NCKAP5: variants seen among roughly 807,000 people sequenced by gnomAD.
NCKAP5 encodes the protein nck-associated protein 5.
NCKAP5 carries 92 observed loss-of-function variants against 167.0 expected under a neutral mutation model. That is an observed-to-expected ratio of 0.55 (90% CI 0.47 to 0.66). NCKAP5 has a LOEUF of 0.66. Ranked by LOEUF, NCKAP5 falls within the 30% of genes least tolerant of loss-of-function variation. The pLI, the probability that NCKAP5 is intolerant of heterozygous loss-of-function variation, is 0.00. For synonymous variants in NCKAP5, 891 were observed against 877.4 expected (o/e 1.02, Z -0.27); for missense variants, 2,378 against 2,315.0 (o/e 1.03, Z -0.56).
chr2:133,364,790 T>C (rs569032370), intron 3 of NCKAP5, among the ~76,000 whole-genome samples: 8 of 152,048 alleles, frequency 5.3e-5, no homozygotes, highest in South Asian at 2.1e-4. Context: ...GTCTCAATAC[T>C]GTCACCCAGG....
At chr2:133,399,329 G>A (rs1574881170) in intron 3 of NCKAP5, among the ~76,000 whole-genome samples, 1 of 151,858 alleles carries the variant, frequency 6.6e-6, no homozygotes, top group East Asian at 1.9e-4. Flanking sequence ...ATGGCAGGTA[G>A]AGTAGGTCCA....
chr2:133,467,947 C>G (rs1180869061), intron 3 of NCKAP5, among the ~76,000 whole-genome samples: 1 of 125,620 alleles, frequency 8.0e-6, no homozygotes, highest in Non-Finnish European at 1.6e-5. Context: ...TTTGTTGATC[C>G]TTTCAAAAAA....
intron 3 of NCKAP5, among the ~76,000 whole-genome samples, chr2:133,352,123 A>G (rs1033537746): frequency 1.3e-5 from 2 of 152,112 alleles, no homozygotes; most frequent in Non-Finnish European, 2.9e-5. Flanking sequence ...TATTCCCTCA[A>G]TGGAGACCCT....
intron 8 of NCKAP5, among the ~76,000 whole-genome samples, chr2:132,914,178 A>G (rs1694680016): frequency 6.6e-6 from 1 of 152,218 alleles, no homozygotes; most frequent in African/African-American, 2.4e-5. Flanking sequence ...GTAGCTGTCC[A>G]TTATGTTTCT....
At chr2:133,644,049 A>G in the NCKAP5 span, among the ~76,000 whole-genome samples, 563 of 152,256 alleles carry the variant, frequency 3.7e-3, 3 homozygotes, top group African/African-American at 0.013. Context: ...CTCTGTGAGT[A>G]CTGTGATGGT....
chr2:133,101,871 G>A (rs568499933), intron 6 of NCKAP5, among the ~76,000 whole-genome samples: 1 of 152,250 alleles, frequency 6.6e-6, no homozygotes, highest in African/African-American at 2.4e-5. Context: ...GTGCGCAATT[G>A]CAGAATGTGA....
intron 11 of NCKAP5, among the ~76,000 whole-genome samples, chr2:132,830,430 C>T (rs1239459215): frequency 6.6e-6 from 1 of 151,948 alleles, no homozygotes; most frequent in Non-Finnish European, 1.5e-5. Flanking sequence ...TGTTTCCCCC[C>T]TTGCAGTGCT....
intron 8 of NCKAP5, among the ~76,000 whole-genome samples, chr2:132,900,425 G>T (rs1428086941): frequency 6.6e-6 from 1 of 152,060 alleles, no homozygotes; most frequent in African/African-American, 2.4e-5. Context: ...TCTAGACATG[G>T]CTAAATGTCC....
intron 3 of NCKAP5, among the ~76,000 whole-genome samples, chr2:133,318,703 C>T (rs571853999): frequency 6.6e-6 from 1 of 152,234 alleles, no homozygotes; most frequent in African/African-American, 2.4e-5. Context: ...AAGTTGAAAG[C>T]CCTTGTGCCC....
the NCKAP5 span, among the ~76,000 whole-genome samples, chr2:133,590,890 G>A: frequency 6.0e-5 from 5 of 83,380 alleles, no homozygotes; most frequent in East Asian, 7.3e-3. Flanking sequence ...GTGAGAGTAT[G>A]CTGTCTGTGT....
At chr2:132,922,319 G>A (rs1243980513) in intron 8 of NCKAP5, among the ~76,000 whole-genome samples, 1 of 152,212 alleles carries the variant, frequency 6.6e-6, no homozygotes, top group Non-Finnish European at 1.5e-5. Context: ...GAGAGTAGGA[G>A]AGAAGAGTCA....
chr2:133,122,701 T>C (rs377123465), intron 6 of NCKAP5: 3 of 152,212 alleles, frequency 2.0e-5, no homozygotes, highest in South Asian at 2.1e-4. Flanking sequence ...GTAACCAAAA[T>C]AGACATGGCC....
rs886401952 is a variant in NCKAP5 at position 133,514,454 on chromosome 2, T to C, written c.69+3004A>G. 2.0e-5 allele frequency among the ~76,000 whole-genome samples: 3 copies of C among 152,184 alleles called. No individual in the cohort carries two copies. The South Asian group carries it at 6.2e-4, about 32-fold the overall frequency. ...TTTTTCAGTTTTTGGACTGTGAGTTTCTTTATTCTGTGATTCCTCCAGTCT... is the reference window on the plus strand; with the variant it reads ...TTTTTCAGTTTTTGGACTGTGAGTTCCTTTATTCTGTGATTCCTCCAGTCT... On this transcript the variant is annotated intron_variant, in intron 3 of 19. Coordinates refer to ENST00000409261, the MANE Select transcript of NCKAP5 (RefSeq NM_207363.3).
rs1437391874 is a variant in NCKAP5, at chr2:133,303,186, A to G, written c.70-76T>C. On this transcript the variant is annotated intron_variant, in intron 3 of 19. Coordinates refer to ENST00000409261, the MANE Select transcript of NCKAP5 (RefSeq NM_207363.3). ...ATCCTAAGACCCTGACCTTATCTCT[A>G]CAAGGAGTATTTTTGACAACATTAT... is the stretch of plus-strand genomic sequence containing the variant. 8.3e-5 allele frequency: 83 copies of G among 995,768 alleles called. No individual in the cohort carries two copies. In the Admixed American group the frequency reaches 1.6e-3, roughly 19 times the overall value. The allele number at this position is 995,768 out of a possible 1,614,324, so 61.7% of individuals were successfully genotyped here. A position where few individuals can be genotyped will look rare whatever the true frequency, so the allele number is the denominator to read the frequency against.
At chr2:132,925,894 A>G (rs1324863308) in intron 8 of NCKAP5, among the ~76,000 whole-genome samples, 4 of 152,212 alleles carry the variant, frequency 2.6e-5, no homozygotes, top group Non-Finnish European at 5.9e-5. Flanking sequence ...CTTTTCTAAA[A>G]AATTTTACGA....
At chr2:133,047,256 C>T (rs2079434673) in intron 6 of NCKAP5, among the ~76,000 whole-genome samples, 1 of 152,180 alleles carries the variant, frequency 6.6e-6, no homozygotes, top group Admixed American at 6.5e-5. Flanking sequence ...CTGTGTTAGA[C>T]ACTTTTCAGA....
At chr2:133,307,756 G>A (rs907067602) in intron 3 of NCKAP5, among the ~76,000 whole-genome samples, 3 of 152,082 alleles carry the variant, frequency 2.0e-5, no homozygotes, top group African/African-American at 7.2e-5. Flanking sequence ...ATGCATATGT[G>A]TATAACCAAA....
At chr2:132,950,104 A>G (rs1418585434) in intron 8 of NCKAP5, among the ~76,000 whole-genome samples, 1 of 152,164 alleles carries the variant, frequency 6.6e-6, no homozygotes, top group Non-Finnish European at 1.5e-5. Flanking sequence ...AAAAACAATA[A>G]AAAAGAAAAA....
chr2:132,706,086 C>A (rs1688330734), intron 19 of NCKAP5, among the ~76,000 whole-genome samples: 1 of 151,776 alleles, frequency 6.6e-6, no homozygotes, highest in Admixed American at 6.6e-5. Flanking sequence ...ATATACATTA[C>A]ACACACACAC....
Sources: gnomAD v4.1 joint callset for allele counts (sites outside exome capture counted in the v4.1 genomes callset) on GRCh38, gnomAD v4.1.1 for gene constraint, MANE v1.5 for transcripts, NCBI Gene and HGNC (gene_info 2026-07-23, HGNC 2026-07-21) for gene names.